Variants in HEATR4 observed in about 807,000 individuals in gnomAD.
The protein encoded by HEATR4 is HEAT repeat-containing protein 4.
HEATR4 carries 95 observed loss-of-function variants against 108.8 expected under a neutral mutation model. The observed-to-expected ratio is 0.87, with a 90% confidence interval of 0.74 to 1.04. The LOEUF (loss-of-function observed/expected upper bound fraction) is 1.04, where lower values mean the gene tolerates loss of function less well. HEATR4 is among the 50% of genes least tolerant of loss of function. HEATR4 has a pLI of 0.00. For missense variants in HEATR4, 1,152 were observed against 1,253.8 expected, an observed-to-expected ratio of 0.92 and a Z score of 1.23; for synonymous variants, 443 against 459.4, an observed-to-expected ratio of 0.96 and a Z score of 0.46.
chr14:73,498,288 T>C lies in HEATR4; in HGVS notation c.2413A>G (p.Ile805Val). The change falls in exon 14 of 18, where the codon ATC becomes GTC. Residue 805 changes from isoleucine (I) to valine (V), a missense_variant. By Grantham distance (29) the Ile-to-Val change is conservative. Transcript: ENST00000553558. ...ACACCTGGTGACTCTTCATAGTGGA[T>C]AGCCCAGAGCAGAAGATCCGTCAGC... is the stretch of plus-strand genomic sequence containing the variant. ...PELTDLLLWA[I>V]HYEESPGVRL... 6.2e-7 allele frequency: 1 copy of C among 1,613,938 alleles called. No homozygotes were observed. Among genetic ancestry groups the C allele is most frequent in the Non-Finnish European group, 8.5e-7 (1 of 1,179,924 alleles).
chr14:73,576,889 T>G, the HEATR4 span, among the ~76,000 whole-genome samples: 1 of 149,916 alleles, frequency 6.7e-6, no homozygotes, highest in South Asian at 2.1e-4. Flanking sequence ...ACCTTAGTTG[T>G]ATTTAAAGGA....
At chr14:73,497,573 T>C (rs1217871794) in intron 14 of HEATR4, among the ~76,000 whole-genome samples, 2 of 152,214 alleles carry the variant, frequency 1.3e-5, no homozygotes, top group Non-Finnish European at 1.5e-5. Flanking sequence ...CTAAAACTTG[T>C]TGTCCCAATA....
the HEATR4 span, among the ~76,000 whole-genome samples, chr14:73,576,258 A>AT: frequency 1.3e-5 from 2 of 152,016 alleles, no homozygotes; most frequent in African/African-American, 4.8e-5. Context: ...TTCCTCCTTT[A>AT]AGAATGGAAG....
intron 10 of HEATR4, 147 bp from the exon 11 acceptor site, chr14:73,503,160 A>G (rs1266417373): frequency 9.2e-6 from 6 of 654,898 alleles, no homozygotes; most frequent in African/African-American, 5.4e-5. Flanking sequence ...TACTCTCCCA[A>G]AGAATCCAGT....
chr14:73,491,186 A>G, intron 17 of HEATR4: 1 of 1,598,826 alleles, frequency 6.3e-7, no homozygotes, highest in Non-Finnish European at 8.5e-7. Context: ...GAGGACGCAG[A>G]CGCTGCCTAG....
chr14:73,551,634 A>C (rs187729958), intron 1 of HEATR4, among the ~76,000 whole-genome samples: 2,049 of 111,080 alleles, frequency 0.018, 363 homozygotes, highest in African/African-American at 0.05. Flanking sequence ...ATGGTGAAAC[A>C]CCGTCTCTAC....
chr14:73,537,334 A>G (rs1595152902), intron 1 of HEATR4: 1 of 1,131,274 alleles, frequency 8.8e-7, no homozygotes, highest in Non-Finnish European at 1.2e-6. Context: ...TTAGCCTGCG[A>G]CGGCAGCCCG....
chr14:73,517,155 G>A (rs919067078), intron 5 of HEATR4: 2 of 152,030 alleles, frequency 1.3e-5, no homozygotes, highest in African/African-American at 2.4e-5. Flanking sequence ...GTGCACACCT[G>A]TGGCCCTGAT....
chr14:73,569,392 G>A, the HEATR4 span: 9 of 1,613,870 alleles, frequency 5.6e-6, no homozygotes, highest in East Asian at 2.2e-5. Flanking sequence ...CCACAGCTGA[G>A]GCAGGTTGGT....
the HEATR4 span, among the ~76,000 whole-genome samples, chr14:73,614,335 C>T: frequency 6.6e-6 from 1 of 152,190 alleles, no homozygotes; most frequent in African/African-American, 2.4e-5. Flanking sequence ...AGCCTTAACT[C>T]GTGGCTGCCC....
At chr14:73,598,500 C>T in the HEATR4 span, among the ~76,000 whole-genome samples, 4 of 152,030 alleles carry the variant, frequency 2.6e-5, no homozygotes, top group African/African-American at 7.2e-5. Flanking sequence ...ACTTTGCAGG[C>T]GAGGTCATAG....
chr14:73,479,277 A>T (rs1024792220), intron 17 of HEATR4, among the ~76,000 whole-genome samples: 4 of 147,414 alleles, frequency 2.7e-5, no homozygotes, highest in African/African-American at 1.0e-4. Context: ...CACCACGCCC[A>T]GCTAATTTTT....
the HEATR4 span, among the ~76,000 whole-genome samples, chr14:73,620,239 A>T: frequency 6.6e-6 from 1 of 152,144 alleles, no homozygotes; most frequent in African/African-American, 2.4e-5. Flanking sequence ...CAGAGCCCGT[A>T]GCAACCTTTT....
chr14:73,575,752 C>T, the HEATR4 span: 2 of 232,656 alleles, frequency 8.6e-6, no homozygotes, highest in South Asian at 1.0e-4. Context: ...TCTCCTCTTC[C>T]TATCTCAACA....
At chr14:73,483,859 T>A (rs890774643) in intron 17 of HEATR4, among the ~76,000 whole-genome samples, 1 of 147,094 alleles carries the variant, frequency 6.8e-6, no homozygotes, top group Non-Finnish European at 1.5e-5. Flanking sequence ...TAGATGTCAA[T>A]TTTTTTTTTT....
the HEATR4 span, among the ~76,000 whole-genome samples, chr14:73,632,989 TTCTCTC>T: frequency 5.7e-3 from 826 of 144,510 alleles, 47 homozygotes; most frequent in Non-Finnish European, 8.0e-3. Context: ...TAATTCAGCT[TTCTCTC>T]TCTCTCTCTC....
chr14:73,590,757 C>A, the HEATR4 span, among the ~76,000 whole-genome samples: 737 of 151,624 alleles, frequency 4.9e-3, 8 homozygotes, highest in African/African-American at 0.017. Context: ...CACGCCCACC[C>A]GGGACTCGCG....
At chr14:73,495,418 A>G (rs754319737) in intron 15 of HEATR4, 31 bp from the exon 16 acceptor site, 1 of 1,574,000 alleles carries the variant, frequency 6.4e-7, no homozygotes, top group Admixed American at 1.7e-5. Flanking sequence ...TTTGAAAAAC[A>G]AAACAAAACA....
Position 73,500,570 on chromosome 14 carries a change from G to A in HEATR4, c.2266C>T (p.Leu756=), listed in dbSNP as rs1276515129. 6.2e-7 allele frequency: 1 copy of A among 1,613,566 alleles called. No individual in the cohort carries two copies. Among genetic ancestry groups the A allele is most frequent in the African/African-American group, 1.3e-5 (1 of 75,040 alleles). Residue 756 remains leucine (L), a synonymous_variant, in exon 12 of 18, where the codon CTG becomes TTG. Transcript: ENST00000553558. ...CTCACCATCTTGTCGCGGATCTGCA[G>A]GGCACCAGCTGCCAAACAGGCTGCC... ...RRAACLAAGA[L]QIRDKMVLEC... is the part of the protein sequence containing the mutation.
Sources: gnomAD v4.1 joint callset for allele counts (sites outside exome capture counted in the v4.1 genomes callset) on GRCh38, gnomAD v4.1.1 for gene constraint, MANE v1.5 for transcripts, NCBI Gene and HGNC (gene_info 2026-07-23, HGNC 2026-07-21) for gene names.